Variants in ACBD6 observed in about 807,000 individuals in gnomAD.
ACBD6 encodes acyl-CoA-binding domain-containing protein 6.
ACBD6 carries 28 observed loss-of-function variants against 37.2 expected under a neutral mutation model. The ratio of observed to expected loss-of-function variants is 0.75; its 90% CI spans 0.56 to 1.03. The LOEUF (loss-of-function observed/expected upper bound fraction) is 1.03. ACBD6 is among the 50% of genes least tolerant of loss of function. The pLI, the probability that ACBD6 is intolerant of heterozygous loss-of-function variation, is 0.00. For synonymous variants in ACBD6, 113 were observed against 126.8 expected (o/e 0.89, Z 0.73); for missense variants, 340 against 337.4 (o/e 1.01, Z -0.06).
intron 6 of ACBD6, among the ~76,000 whole-genome samples, chr1:180,321,152 C>G (rs2764441): frequency 0.058 from 8,781 of 152,126 alleles, 298 homozygotes; most frequent in South Asian, 0.059. Context: ...TCATCTATCT[C>G]TCTATTTTTA....
chr1:180,433,536 C>T (rs1054070540), intron 3 of ACBD6, among the ~76,000 whole-genome samples: 4 of 151,128 alleles, frequency 2.6e-5, no homozygotes, highest in Non-Finnish European at 4.4e-5. Context: ...CAAGCCACAG[C>T]GATCAGACAA....
chr1:180,356,240 G>A (rs1205943996), intron 6 of ACBD6, among the ~76,000 whole-genome samples: 3 of 151,904 alleles, frequency 2.0e-5, no homozygotes, highest in South Asian at 2.1e-4. Flanking sequence ...GCATGATCAC[G>A]ACTCACTGCA....
chr1:180,462,616 T>C (rs1393559977), intron 3 of ACBD6, among the ~76,000 whole-genome samples: 3 of 152,092 alleles, frequency 2.0e-5, no homozygotes, highest in Admixed American at 2.0e-4. Context: ...ACTTAGACCC[T>C]CACACAATAA....
intron 3 of ACBD6, among the ~76,000 whole-genome samples, chr1:180,456,643 A>G (rs1056394974): frequency 2.0e-5 from 3 of 152,220 alleles, no homozygotes; most frequent in Admixed American, 2.0e-4. Context: ...CAATTCTGAA[A>G]GGTATTTCCA....
At chr1:180,405,895 C>T (rs72714864) in intron 5 of ACBD6, among the ~76,000 whole-genome samples, 24,069 of 151,802 alleles carry the variant, frequency 0.16, 1,966 homozygotes, top group Middle Eastern at 0.22. Flanking sequence ...AAAATTGAAC[C>T]GCCATTTAAA....
In ACBD6 at chr1:180,353,785, C is replaced by CAAAAAAAAA. The variant is rs56286672; in HGVS notation, c.664-39072_664-39064dup. Among the ~76,000 whole-genome samples the CAAAAAAAAA allele has an allele frequency of 6.1e-4, 12 of 19,664 alleles. 1 individual carries two copies. Among genetic ancestry groups the CAAAAAAAAA allele is most frequent in the African/African-American group, 8.8e-4 (3 of 3,394 alleles). The allele number at this position is 19,664 out of a possible 152,430, so 12.9% of individuals were successfully genotyped here. A position where few individuals can be genotyped will look rare whatever the true frequency, so the allele number is the denominator to read the frequency against. ...AATGACATAAAACAGTTAACAACCA[C>CAAAAAAAAA]AAAAAAAAAAAAAAAAAAAAGCCCA... On this transcript the variant is annotated intron_variant, in intron 6 of 7. Coordinates refer to ENST00000367595, the MANE Select transcript of ACBD6 (RefSeq NM_032360.4).
At chr1:180,313,125 G>C (rs141838011) in intron 7 of ACBD6, among the ~76,000 whole-genome samples, 50 of 152,186 alleles carry the variant, frequency 3.3e-4, no homozygotes, top group African/African-American at 1.1e-3. Flanking sequence ...AACCCAACTT[G>C]GTCAGCACAT....
At chr1:180,317,985 T>C (rs1201374640) in intron 6 of ACBD6, among the ~76,000 whole-genome samples, 1 of 152,130 alleles carries the variant, frequency 6.6e-6, no homozygotes, top group Non-Finnish European at 1.5e-5. Context: ...CAGACCAGCC[T>C]GGGCAACATG....
At chr1:180,449,938 C>T (rs544195884) in intron 3 of ACBD6, among the ~76,000 whole-genome samples, 1 of 147,482 alleles carries the variant, frequency 6.8e-6, no homozygotes, top group Admixed American at 6.8e-5. Context: ...AAAAAGCATG[C>T]TAATCTAATT....
At chr1:180,428,731 T>C (rs1051392416) in intron 4 of ACBD6, among the ~76,000 whole-genome samples, 2 of 152,174 alleles carry the variant, frequency 1.3e-5, no homozygotes, top group Non-Finnish European at 2.9e-5. Flanking sequence ...AAAATAAAGA[T>C]CATTATGATT....
intron 6 of ACBD6, among the ~76,000 whole-genome samples, chr1:180,315,956 A>G (rs1460701745): frequency 1.3e-5 from 2 of 152,178 alleles, no homozygotes; most frequent in African/African-American, 2.4e-5. Flanking sequence ...CATCATAAAG[A>G]TAATAAACTC....
chr1:180,483,706 A>C (rs1029501834), intron 3 of ACBD6, among the ~76,000 whole-genome samples: 2 of 152,206 alleles, frequency 1.3e-5, no homozygotes, highest in South Asian at 2.1e-4. Flanking sequence ...ACATACTATT[A>C]ATCTTTTAAT....
chr1:180,381,056 G>T (rs1469332838), intron 6 of ACBD6, among the ~76,000 whole-genome samples: 2 of 151,996 alleles, frequency 1.3e-5, no homozygotes, highest in Non-Finnish European at 2.9e-5. Context: ...CCAAAAGCAA[G>T]CAGGAGTAGC....
chr1:180,425,257 G>A (rs1170742029), intron 4 of ACBD6, among the ~76,000 whole-genome samples: 1 of 152,180 alleles, frequency 6.6e-6, no homozygotes, highest in African/African-American at 2.4e-5. Flanking sequence ...TATGCCAGCT[G>A]AGGTTTTACA....
intron 6 of ACBD6, among the ~76,000 whole-genome samples, chr1:180,322,402 T>A (rs1651107562): frequency 6.6e-6 from 1 of 151,996 alleles, no homozygotes; most frequent in Admixed American, 6.6e-5. Flanking sequence ...CCCTCCTCAA[T>A]TTTTTTGGAA....
At chr1:180,467,049 C>T (rs1557882636) in intron 3 of ACBD6, among the ~76,000 whole-genome samples, 2 of 152,078 alleles carry the variant, frequency 1.3e-5, no homozygotes, top group Non-Finnish European at 2.9e-5. Context: ...ATCTCTTAAA[C>T]ATATTTGTTC....
At chr1:180,333,775 G>C (rs565270749) in intron 6 of ACBD6, among the ~76,000 whole-genome samples, 4 of 152,210 alleles carry the variant, frequency 2.6e-5, no homozygotes, top group Non-Finnish European at 5.9e-5. Context: ...TCAAAAGAAA[G>C]GGGTGACAGC....
chr1:180,304,287 T>C (rs1277565341), intron 7 of ACBD6, among the ~76,000 whole-genome samples: 2 of 150,464 alleles, frequency 1.3e-5, no homozygotes, highest in Non-Finnish European at 3.0e-5. Flanking sequence ...AAATAAAGGG[T>C]ATTCAATTAG....
intron 6 of ACBD6, among the ~76,000 whole-genome samples, chr1:180,382,090 G>A (rs1022098351): frequency 1.4e-4 from 21 of 149,070 alleles, no homozygotes; most frequent in African/African-American, 4.7e-4. Context: ...ACTCCAGCCT[G>A]GGTGACAGAA....
Sources: gnomAD v4.1 joint callset for allele counts (sites outside exome capture counted in the v4.1 genomes callset) on GRCh38, gnomAD v4.1.1 for gene constraint, MANE v1.5 for transcripts, NCBI Gene and HGNC (gene_info 2026-07-23, HGNC 2026-07-21) for gene names.